SERPINE2: variants seen among roughly 807,000 people sequenced by gnomAD.
SERPINE2 encodes the protein serpin family E member 2.
Under a neutral mutation model 36.3 loss-of-function variants are expected in SERPINE2, and 14 were observed. That is an observed-to-expected ratio of 0.39 (90% CI 0.25 to 0.60). SERPINE2 has a LOEUF of 0.60. Among genes scored for constraint, SERPINE2 ranks in the 20% least tolerant of loss-of-function variants. SERPINE2 has a pLI of 0.57. For synonymous variants in SERPINE2, 192 were observed against 191.8 expected (o/e 1.00, Z -0.01); for missense variants, 418 against 499.6 (o/e 0.84, Z 1.56).
chr2:224,023,000 C>A (rs1692062624), intron 1 of SERPINE2, among the ~76,000 whole-genome samples: 2 of 152,216 alleles, frequency 1.3e-5, no homozygotes, highest in South Asian at 4.1e-4. Flanking sequence ...TTGCCTTCCA[C>A]CATGATTGTA....
chr2:223,988,320 C>G (rs1690519768), intron 4 of SERPINE2, among the ~76,000 whole-genome samples: 1 of 152,160 alleles, frequency 6.6e-6, no homozygotes, highest in African/African-American at 2.4e-5. Context: ...AGGTGAGCAC[C>G]ACCATGCCTG....
At chr2:223,979,752 T>C (rs1690153135) in intron 7 of SERPINE2, 1 of 152,606 alleles carries the variant, frequency 6.6e-6, no homozygotes, top group South Asian at 2.1e-4. Flanking sequence ...TGGATAGACC[T>C]GATTGCCTAT....
intron 1 of SERPINE2, among the ~76,000 whole-genome samples, chr2:224,002,797 ATTAT>A (rs2106166404): frequency 6.6e-6 from 1 of 151,486 alleles, no homozygotes; most frequent in African/African-American, 2.4e-5. Context: ...CAGCCTAATC[ATTAT>A]TTAATTCTCA....
chr2:224,006,122 G>T (rs1184564499), intron 1 of SERPINE2, among the ~76,000 whole-genome samples: 1 of 152,156 alleles, frequency 6.6e-6, no homozygotes, highest in African/African-American at 2.4e-5. Flanking sequence ...CTTGCCAATA[G>T]CAGACATTAG....
At chr2:224,025,921 C>T (rs987941760) in intron 1 of SERPINE2, among the ~76,000 whole-genome samples, 12 of 152,250 alleles carry the variant, frequency 7.9e-5, no homozygotes, top group African/African-American at 2.9e-4. Flanking sequence ...GGGCAGCTAG[C>T]TCTTCAGGAA....
intron 1 of SERPINE2, chr2:224,030,722 A>G (rs1692334861): frequency 6.5e-6 from 1 of 153,280 alleles, no homozygotes; most frequent in Non-Finnish European, 1.4e-5. Flanking sequence ...GGTAACTATA[A>G]ACCTTTGAAA....
intron 6 of SERPINE2, chr2:223,981,809 G>T (rs1233071204): frequency 6.6e-6 from 1 of 152,176 alleles, no homozygotes; most frequent in East Asian, 1.9e-4. Flanking sequence ...CTTTGGCAAA[G>T]GAAAGTTTTA....
At chr2:224,037,417 G>T (rs1325845329) in intron 1 of SERPINE2, among the ~76,000 whole-genome samples, 2 of 152,212 alleles carry the variant, frequency 1.3e-5, no homozygotes, top group Non-Finnish European at 2.9e-5. Flanking sequence ...TTCAGAAGTT[G>T]AGCATCTCAA....
At chr2:224,031,205 G>C in intron 1 of SERPINE2, 3 of 985,382 alleles carry the variant, frequency 3.0e-6, no homozygotes, top group Non-Finnish European at 3.6e-6. Flanking sequence ...ACACATAAAG[G>C]CTGTGCGACC....
At position 223,984,943 on chromosome 2, in the gene SERPINE2, TGTC is replaced by T. The variant is rs1690370454; in HGVS notation, c.690_692del (p.Thr231del). 6.2e-7 allele frequency: 1 copy of T among 1,614,072 alleles called. No homozygotes were observed. Among genetic ancestry groups the T allele is most frequent in the African/African-American group, 1.3e-5 (1 of 74,936 alleles). ...TGTACCATAAATCATTGGGGGCACT[TGTC>T]GACCCTAAAGAAATCAGAAGCAGGT... On this transcript the variant is annotated inframe_deletion, in exon 5 of 9. Transcript: ENST00000409304.
chr2:224,011,994 G>A (rs1691640045), intron 1 of SERPINE2, among the ~76,000 whole-genome samples: 1 of 152,192 alleles, frequency 6.6e-6, no homozygotes, highest in African/African-American at 2.4e-5. Flanking sequence ...ACTAGTGGGA[G>A]TTGAAGGCCA....
chr2:223,976,417 G>A (rs1176837345), intron 8 of SERPINE2, among the ~76,000 whole-genome samples: 1 of 152,166 alleles, frequency 6.6e-6, no homozygotes, highest in Non-Finnish European at 1.5e-5. Flanking sequence ...CTCCCAAAGT[G>A]CTGGGATTAC....
At chr2:224,009,038 G>T (rs1691525920) in intron 1 of SERPINE2, among the ~76,000 whole-genome samples, 2 of 152,170 alleles carry the variant, frequency 1.3e-5, no homozygotes, top group South Asian at 4.1e-4. Flanking sequence ...TGGGCTGGGA[G>T]AATCAAAGTG....
chr2:224,004,147 T>A (rs967419584), intron 1 of SERPINE2, among the ~76,000 whole-genome samples: 1 of 152,184 alleles, frequency 6.6e-6, no homozygotes, highest in Non-Finnish European at 1.5e-5. Context: ...TTATGGAGTG[T>A]GGCTAAGAAA....
At chr2:224,007,765 A>G (rs1327287194) in intron 1 of SERPINE2, among the ~76,000 whole-genome samples, 2 of 152,066 alleles carry the variant, frequency 1.3e-5, no homozygotes, top group African/African-American at 4.8e-5. Flanking sequence ...CTTCATTTTT[A>G]ACCTTGGAAT....
At chr2:223,994,736 T>C (rs1305292377) in intron 3 of SERPINE2, among the ~76,000 whole-genome samples, 1 of 152,204 alleles carries the variant, frequency 6.6e-6, no homozygotes, top group East Asian at 1.9e-4. Flanking sequence ...ACCTCAGAAA[T>C]GGCTATAAAA....
At chr2:223,993,377 T>A (rs910748366) in intron 3 of SERPINE2, among the ~76,000 whole-genome samples, 2 of 152,212 alleles carry the variant, frequency 1.3e-5, no homozygotes, top group Admixed American at 6.5e-5. Flanking sequence ...CTTCCTTTTA[T>A]TATACAGTTA....
rs116481905 is a variant in SERPINE2, at chr2:223,999,719, T to C, written c.260-1377A>G. ...CAGTGGTGGATGGCCAACGGGCCAA[T>C]ATTCTTAGAACTTCAGAAATAATGG... On this transcript the variant is annotated intron_variant, in intron 2 of 8. Transcript: ENST00000409304. Among the ~76,000 whole-genome samples the C allele has an allele frequency of 8.0e-3, 1,224 of 152,320 alleles. 18 individuals carry two copies. Among genetic ancestry groups the C allele is most frequent in the African/African-American group, 0.028 (1,166 of 41,566 alleles).
chr2:224,001,629 T>G lies in SERPINE2; in HGVS notation c.259+13A>C. ...GGCAAAGGCTCCGCCAGTGAGCAAT[T>G]GTGCACACGCACCATTTACGCCGTA... On this transcript the variant is annotated intron_variant, in intron 2 of 8. Transcript: ENST00000409304. 6.2e-7 allele frequency: 1 copy of G among 1,607,692 alleles called. No homozygotes were observed. Among genetic ancestry groups the G allele is most frequent in the East Asian group, 2.2e-5 (1 of 44,752 alleles).
Sources: allele counts gnomAD v4.1 joint callset (sites outside exome capture counted in the v4.1 genomes callset), GRCh38; gene constraint gnomAD v4.1.1; transcripts MANE v1.5; gene names NCBI Gene and HGNC (gene_info 2026-07-23, HGNC 2026-07-21).